CRPPA: variants seen among roughly 807,000 people sequenced by gnomAD.
CRPPA encodes the protein D-ribitol-5-phosphate cytidylyltransferase.
A neutral mutation model predicts 52.0 loss-of-function variants in CRPPA; 43 were observed. The observed-to-expected ratio is 0.83, with a 90% CI of 0.65 to 1.07. The LOEUF is 1.07. Among genes scored for constraint, CRPPA ranks in the 50% least tolerant of loss-of-function variants. CRPPA has a pLI of 0.00. For synonymous variants in CRPPA, 250 were observed against 203.5 expected (o/e 1.23, Z -1.94); for missense variants, 629 against 551.7 (o/e 1.14, Z -1.40).
intron 3 of CRPPA, among the ~76,000 whole-genome samples, chr7:16,334,996 T>C (rs1441505069): frequency 1.3e-5 from 2 of 151,582 alleles, no homozygotes; most frequent in African/African-American, 4.8e-5. Flanking sequence ...ATGTGTGAAA[T>C]GACTCAAAAA....
At chr7:16,099,977 A>G (rs1423298189) in intron 9 of CRPPA, among the ~76,000 whole-genome samples, 2 of 152,036 alleles carry the variant, frequency 1.3e-5, no homozygotes, top group African/African-American at 4.8e-5. Flanking sequence ...AGGATGCTCT[A>G]ACTGGTCACT....
intron 3 of CRPPA, among the ~76,000 whole-genome samples, chr7:16,353,764 C>T (rs1263596294): frequency 2.0e-5 from 3 of 151,970 alleles, no homozygotes; most frequent in African/African-American, 7.3e-5. Flanking sequence ...GCAGGAGAAT[C>T]ACTTGAACCC....
At chr7:16,112,599 G>A (rs528281557) in intron 9 of CRPPA, among the ~76,000 whole-genome samples, 1 of 152,092 alleles carries the variant, frequency 6.6e-6, no homozygotes, top group East Asian at 1.9e-4. Flanking sequence ...ATGGAATATG[G>A]GAAAAGTAGT....
intron 5 of CRPPA, among the ~76,000 whole-genome samples, chr7:16,282,272 C>T (rs1562605981): frequency 6.6e-6 from 1 of 152,000 alleles, no homozygotes; most frequent in Non-Finnish European, 1.5e-5. Context: ...TATTTCATTC[C>T]TTTTCACTCG....
At chr7:16,322,222 A>G (rs1407526206) in intron 3 of CRPPA, among the ~76,000 whole-genome samples, 1 of 152,218 alleles carries the variant, frequency 6.6e-6, no homozygotes, top group East Asian at 1.9e-4. Flanking sequence ...CAGGAGGCAA[A>G]GAAATAAAAG....
At chr7:16,408,892 A>G (rs960183297) in intron 1 of CRPPA, among the ~76,000 whole-genome samples, 8 of 152,166 alleles carry the variant, frequency 5.3e-5, no homozygotes, top group African/African-American at 1.9e-4. Context: ...GCCAAAGAGC[A>G]TGAGTGGCCT....
chr7:16,095,980 A>G (rs1013125930), intron 9 of CRPPA, among the ~76,000 whole-genome samples: 8 of 152,134 alleles, frequency 5.3e-5, no homozygotes, highest in Non-Finnish European at 8.8e-5. Flanking sequence ...GCAGGAGGTT[A>G]AATCTGAGTC....
chr7:16,109,206 T>C (rs920351105), intron 9 of CRPPA, among the ~76,000 whole-genome samples: 11 of 151,328 alleles, frequency 7.3e-5, no homozygotes, highest in African/African-American at 2.7e-4. Context: ...AAGACTCAAA[T>C]AAAATATAAA....
At chr7:16,101,719 G>A (rs1263436451) in intron 9 of CRPPA, among the ~76,000 whole-genome samples, 1 of 152,036 alleles carries the variant, frequency 6.6e-6, no homozygotes, top group Non-Finnish European at 1.5e-5. Flanking sequence ...ATTCACAATT[G>A]CTTCAAAGAG....
intron 2 of CRPPA, among the ~76,000 whole-genome samples, chr7:16,400,559 CTT>C (rs1335833685): frequency 6.6e-6 from 1 of 152,226 alleles, no homozygotes; most frequent in African/African-American, 2.4e-5. Context: ...ACGATCGACA[CTT>C]GACTGACACA....
chr7:16,174,255 A>AT (rs1781249215), intron 9 of CRPPA, among the ~76,000 whole-genome samples: 1 of 152,074 alleles, frequency 6.6e-6, no homozygotes, highest in South Asian at 2.1e-4. Context: ...AACCTCAAGG[A>AT]TGGGGGGAAA....
chr7:16,361,732 T>C (rs374745993), intron 3 of CRPPA, among the ~76,000 whole-genome samples: 40 of 152,338 alleles, frequency 2.6e-4, no homozygotes, highest in African/African-American at 7.9e-4. Context: ...AGTGAAAGTT[T>C]TGAAAGATAA....
intron 2 of CRPPA, among the ~76,000 whole-genome samples, chr7:16,404,522 T>C (rs1193124596): frequency 2.0e-5 from 3 of 151,806 alleles, no homozygotes; most frequent in Admixed American, 2.0e-4. Flanking sequence ...ATCTCAGAAA[T>C]ACTTTCTGCT....
intron 8 of CRPPA, among the ~76,000 whole-genome samples, chr7:16,253,193 T>C (rs1378805663): frequency 6.6e-6 from 1 of 152,206 alleles, no homozygotes; most frequent in Non-Finnish European, 1.5e-5. Context: ...TTAATTGTGA[T>C]GTTAGGGTGT....
chr7:16,207,893 C>G (rs535538928), intron 9 of CRPPA, among the ~76,000 whole-genome samples: 2 of 152,290 alleles, frequency 1.3e-5, no homozygotes, highest in South Asian at 4.1e-4. Flanking sequence ...AAGTCCACAA[C>G]ATGTTTTCCT....
intron 3 of CRPPA, among the ~76,000 whole-genome samples, chr7:16,367,344 G>A (rs192459684): frequency 8.3e-4 from 126 of 152,292 alleles, no homozygotes; most frequent in African/African-American, 2.9e-3. Flanking sequence ...AACAGCCAGG[G>A]AGGAAGGCAG....
intron 3 of CRPPA, among the ~76,000 whole-genome samples, chr7:16,327,810 C>G (rs6977335): frequency 0.45 from 68,454 of 151,720 alleles, 15,704 homozygotes; most frequent in South Asian, 0.59. Flanking sequence ...GAGCTCCTTG[C>G]TTTAGTAATA....
chr7:16,356,607 T>G (rs928409552), intron 3 of CRPPA, among the ~76,000 whole-genome samples: 23 of 152,198 alleles, frequency 1.5e-4, no homozygotes, highest in African/African-American at 5.1e-4. Context: ...CAACCTGCTG[T>G]TAATCACAGC....
chr7:16,166,462 T>C (rs1313961575), intron 9 of CRPPA, among the ~76,000 whole-genome samples: 1 of 152,072 alleles, frequency 6.6e-6, no homozygotes, highest in Non-Finnish European at 1.5e-5. Context: ...GTATTTTTAG[T>C]AGAGACAAGG....
Sources: gnomAD v4.1 joint callset for allele counts (sites outside exome capture counted in the v4.1 genomes callset) on GRCh38, gnomAD v4.1.1 for gene constraint, MANE v1.5 for transcripts, NCBI Gene and HGNC (gene_info 2026-07-23, HGNC 2026-07-21) for gene names.